FYB1: variants seen among roughly 807,000 people sequenced by gnomAD.
The protein encoded by FYB1 is FYN-binding protein 1.
Under a neutral mutation model 94.1 loss-of-function variants are expected in FYB1, and 41 were observed. The ratio of observed to expected loss-of-function variants is 0.44; its 90% CI spans 0.34 to 0.57. The LOEUF is 0.57. Among genes scored for constraint, FYB1 ranks in the 20% least tolerant of loss-of-function variants. The probability of loss-of-function intolerance (pLI) is 0.02; values close to 1 mark genes in which losing one functional copy is unlikely to be tolerated. For missense variants in FYB1, 1,050 were observed against 976.8 expected (o/e 1.07, Z -1.00); for synonymous variants, 367 against 353.2 (o/e 1.04, Z -0.44).
chr5:39,216,062 C>A (rs1285947715), intron 1 of FYB1, among the ~76,000 whole-genome samples: 2 of 152,094 alleles, frequency 1.3e-5, no homozygotes, highest in East Asian at 3.9e-4. Flanking sequence ...CTGGAAGAGG[C>A]CAGAAACGAA....
intron 1 of FYB1, among the ~76,000 whole-genome samples, chr5:39,208,639 G>A (rs1749069343): frequency 6.6e-6 from 1 of 152,176 alleles, no homozygotes; most frequent in African/African-American, 2.4e-5. Context: ...GCGATCATGA[G>A]TACAAGAGAA....
intron 3 of FYB1, among the ~76,000 whole-genome samples, chr5:39,142,246 C>T (rs563222061): frequency 1.3e-5 from 2 of 152,238 alleles, no homozygotes; most frequent in African/African-American, 4.8e-5. Flanking sequence ...TTCTCCATAC[C>T]TATTAAAAAT....
At chr5:39,179,802 C>T (rs1390645864) in intron 2 of FYB1, among the ~76,000 whole-genome samples, 1 of 152,096 alleles carries the variant, frequency 6.6e-6, no homozygotes, top group African/African-American at 2.4e-5. Flanking sequence ...TTTTACTTCT[C>T]TCCAGGGGCC....
chr5:39,125,963 TTATTGTACAC>T, intron 12 of FYB1, 25 bp downstream of exon 12: 1 of 1,594,746 alleles, frequency 6.3e-7, no homozygotes, highest in Non-Finnish European at 8.6e-7. Context: ...ATTAGTGTAG[TTATTGTACAC>T]TGGATTTGGT....
At chr5:39,138,742 A>T (rs994976845) in intron 5 of FYB1, 51 bp from the exon 6 acceptor site, 1 of 1,062,256 alleles carries the variant, frequency 9.4e-7, no homozygotes, top group Non-Finnish European at 1.4e-6. Context: ...TAAAAAGTTG[A>T]CACACATATT....
At chr5:39,206,227 C>T (rs374329152) in intron 1 of FYB1, among the ~76,000 whole-genome samples, 2 of 152,128 alleles carry the variant, frequency 1.3e-5, no homozygotes, top group African/African-American at 4.8e-5. Context: ...AGCCCCTTAG[C>T]CACTAATATG....
At chr5:39,233,291 A>G (rs1159773680) in intron 1 of FYB1, among the ~76,000 whole-genome samples, 1 of 152,156 alleles carries the variant, frequency 6.6e-6, no homozygotes, top group African/African-American at 2.4e-5. Context: ...TAATTAGTTG[A>G]CTGGATGAAG....
At chr5:39,245,986 G>A (rs1041260164) in intron 1 of FYB1, among the ~76,000 whole-genome samples, 8 of 152,186 alleles carry the variant, frequency 5.3e-5, no homozygotes, top group Non-Finnish European at 1.0e-4. Flanking sequence ...TAAGACAGAA[G>A]GGATGTCTAC....
At chr5:39,158,848 CT>C (rs1179853231) in intron 2 of FYB1, among the ~76,000 whole-genome samples, 6 of 152,180 alleles carry the variant, frequency 3.9e-5, no homozygotes, top group Non-Finnish European at 7.3e-5. Context: ...CCACAAAACC[CT>C]GACCCTAGAC....
intron 10 of FYB1, among the ~76,000 whole-genome samples, chr5:39,128,615 T>C (rs1031715851): frequency 2.6e-4 from 40 of 152,246 alleles, no homozygotes; most frequent in African/African-American, 9.1e-4. Flanking sequence ...AAGACTGTCC[T>C]GAACACATTG....
At chr5:39,189,341 A>G (rs1251508171) in intron 2 of FYB1, among the ~76,000 whole-genome samples, 1 of 151,452 alleles carries the variant, frequency 6.6e-6, no homozygotes, top group East Asian at 1.9e-4. Context: ...CAGTTTCCGT[A>G]CTTGCATTGG....
At chr5:39,188,812 C>T (rs1055599939) in intron 2 of FYB1, among the ~76,000 whole-genome samples, 3 of 152,192 alleles carry the variant, frequency 2.0e-5, no homozygotes, top group Admixed American at 6.5e-5. Flanking sequence ...GGACTACTAG[C>T]GTGAGCCACT....
chr5:39,164,294 T>C (rs926675241), intron 2 of FYB1, among the ~76,000 whole-genome samples: 7 of 152,170 alleles, frequency 4.6e-5, no homozygotes, highest in African/African-American at 1.2e-4. Flanking sequence ...ACTGTAAATA[T>C]GTGAAGAAAA....
intron 16 of FYB1, among the ~76,000 whole-genome samples, chr5:39,115,878 G>A (rs1478947695): frequency 1.3e-5 from 2 of 152,164 alleles, no homozygotes; most frequent in South Asian, 2.1e-4. Context: ...TCCTTACCAC[G>A]TGAGTACTTG....
intron 16 of FYB1, among the ~76,000 whole-genome samples, chr5:39,117,530 T>A (rs997587935): frequency 1.3e-5 from 2 of 152,282 alleles, no homozygotes; most frequent in Non-Finnish European, 2.9e-5. Flanking sequence ...CCAATCTTAA[T>A]ATTACACTGC....
At chr5:39,258,265 A>G (rs766729518) in intron 1 of FYB1, among the ~76,000 whole-genome samples, 5 of 152,128 alleles carry the variant, frequency 3.3e-5, no homozygotes, top group Non-Finnish European at 5.9e-5. Context: ...TGATTTACTC[A>G]ATACCATTAA....
At chr5:39,141,193 T>C (rs2150332388) in intron 3 of FYB1, 52 bp from the exon 4 acceptor site, 3 of 1,169,214 alleles carry the variant, frequency 2.6e-6, no homozygotes, top group African/African-American at 1.5e-5. Flanking sequence ...GATGCTCACC[T>C]TACAATGAAA....
At chr5:39,237,985 T>C (rs1645732) in intron 1 of FYB1, among the ~76,000 whole-genome samples, 24,410 of 151,974 alleles carry the variant, frequency 0.16, 5,211 homozygotes, top group African/African-American at 0.47. Flanking sequence ...CATTATGACA[T>C]TTACAAATCA....
chr5:39,204,190 G>A (rs1277265105), intron 1 of FYB1, among the ~76,000 whole-genome samples: 1 of 152,104 alleles, frequency 6.6e-6, no homozygotes, highest in Non-Finnish European at 1.5e-5. Flanking sequence ...CACACTTCAG[G>A]TGCTTCTATA....
Sources: allele counts gnomAD v4.1 joint callset (sites outside exome capture counted in the v4.1 genomes callset), GRCh38; gene constraint gnomAD v4.1.1; transcripts MANE v1.5; gene names NCBI Gene and HGNC (gene_info 2026-07-23, HGNC 2026-07-21).